BCKDHB: variants seen among roughly 807,000 people sequenced by gnomAD.
BCKDHB encodes the protein 2-oxoisovalerate dehydrogenase subunit beta, mitochondrial.
A neutral mutation model predicts 48.5 loss-of-function variants in BCKDHB; 41 were observed. The observed-to-expected ratio is 0.85, with a 90% CI of 0.66 to 1.10. The LOEUF is 1.10. Ranked by LOEUF, BCKDHB falls within the 50% of genes least tolerant of loss-of-function variation. The pLI, the probability that BCKDHB is intolerant of heterozygous loss-of-function variation, is 0.00. For missense variants in BCKDHB, 496 were observed against 494.2 expected, an observed-to-expected ratio of 1.00 and a Z score of -0.03; for synonymous variants, 201 against 174.8, an observed-to-expected ratio of 1.15 and a Z score of -1.18.
chr6:80,205,355 C>G (rs1455978801), intron 8 of BCKDHB, among the ~76,000 whole-genome samples: 1 of 151,944 alleles, frequency 6.6e-6, no homozygotes, highest in Non-Finnish European at 1.5e-5. Context: ...TCTTATGACT[C>G]ATTAGATCGC....
At chr6:80,140,095 GCT>G (rs1490521976) in intron 3 of BCKDHB, among the ~76,000 whole-genome samples, 2 of 152,044 alleles carry the variant, frequency 1.3e-5, no homozygotes, top group African/African-American at 2.4e-5. Flanking sequence ...TCATGATTTG[GCT>G]CTCTGTTTGT....
chr6:80,342,051 A>G (rs187830188), intron 9 of BCKDHB, among the ~76,000 whole-genome samples: 11 of 152,202 alleles, frequency 7.2e-5, no homozygotes, highest in Non-Finnish European at 1.2e-4. Context: ...ATTGTAAATC[A>G]TGATAGTTAT....
intron 6 of BCKDHB, among the ~76,000 whole-genome samples, chr6:80,187,868 C>T (rs1269126929): frequency 6.6e-6 from 1 of 152,178 alleles, no homozygotes; most frequent in African/African-American, 2.4e-5. Context: ...AACATTTATA[C>T]ACTGCTGGTG....
At chr6:80,410,343 T>A in the BCKDHB span, among the ~76,000 whole-genome samples, 5,252 of 152,274 alleles carry the variant, frequency 0.034, 317 homozygotes, top group African/African-American at 0.12. Context: ...CTTCCCTTTG[T>A]GGGTAACCCG....
the BCKDHB span, chr6:80,443,585 GCAAAA>G: frequency 1.3e-5 from 2 of 152,088 alleles, no homozygotes; most frequent in Admixed American, 1.3e-4. Flanking sequence ...TTTTGGTAAG[GCAAAA>G]CAAACTCTTA....
intron 1 of BCKDHB, among the ~76,000 whole-genome samples, chr6:80,120,658 T>G (rs1041071132): frequency 5.3e-5 from 8 of 152,248 alleles, no homozygotes; most frequent in African/African-American, 1.9e-4. Context: ...CATAGATGTC[T>G]TGTTTTGAGC....
At chr6:80,157,099 T>C (rs1772079860) in intron 3 of BCKDHB, among the ~76,000 whole-genome samples, 1 of 152,208 alleles carries the variant, frequency 6.6e-6, no homozygotes, top group Admixed American at 6.6e-5. Context: ...TCTATGATAC[T>C]GAACATTATT....
At chr6:80,419,249 G>A in the BCKDHB span, among the ~76,000 whole-genome samples, 1 of 152,186 alleles carries the variant, frequency 6.6e-6, no homozygotes, top group Non-Finnish European at 1.5e-5. Context: ...TATGAAGAAA[G>A]AATGTGTGGG....
At chr6:80,283,851 T>G (rs77385560) in intron 9 of BCKDHB, among the ~76,000 whole-genome samples, 1 of 152,264 alleles carries the variant, frequency 6.6e-6, no homozygotes, top group Non-Finnish European at 1.5e-5. Flanking sequence ...TATTTAAAAT[T>G]TTATACATGA....
At chr6:80,401,724 A>T in the BCKDHB span, among the ~76,000 whole-genome samples, 1 of 151,764 alleles carries the variant, frequency 6.6e-6, no homozygotes, top group African/African-American at 2.4e-5. Flanking sequence ...TTTAACTGTC[A>T]TCTCCCAATT....
chr6:80,415,529 CAT>C, the BCKDHB span, among the ~76,000 whole-genome samples: 2 of 152,126 alleles, frequency 1.3e-5, no homozygotes, highest in Non-Finnish European at 2.9e-5. Flanking sequence ...TTGAAATAAT[CAT>C]GTGGTTTTTG....
the BCKDHB span, among the ~76,000 whole-genome samples, chr6:80,427,634 C>A: frequency 4.6e-5 from 7 of 152,062 alleles, no homozygotes; most frequent in African/African-American, 1.7e-4. Context: ...TTGTGCCTGA[C>A]TGATGACAAT....
chr6:80,208,547 G>T (rs992024621), intron 8 of BCKDHB, among the ~76,000 whole-genome samples: 1 of 151,736 alleles, frequency 6.6e-6, no homozygotes, highest in Non-Finnish European at 1.5e-5. Flanking sequence ...TAATGTAATT[G>T]ATAAACTTTT....
chr6:80,167,710 G>T lies in BCKDHB; in HGVS notation c.376G>T (p.Glu126Ter). ...KDRVFNTPLC[E>*]QGIVGFGIGI... ...TAGAGTTTTTAATACCCCATTGTGTGAACAAGGAATTGTTGGATTTGGAAT... is the reference window on the plus strand; with the variant it reads ...TAGAGTTTTTAATACCCCATTGTGTTAACAAGGAATTGTTGGATTTGGAAT... Residue 126 changes from glutamate (E) to a stop codon, truncating the protein, a stop_gained, in exon 4 of 10, where the codon GAA (glutamate) becomes TAA (stop). Transcript: ENST00000320393. LOFTEE classifies it high-confidence loss of function. 6.2e-7 allele frequency: 1 copy of T among 1,611,714 alleles called. No individual in the cohort carries two copies. Among genetic ancestry groups the T allele is most frequent in the South Asian group, 1.1e-5 (1 of 91,002 alleles).
intron 8 of BCKDHB, among the ~76,000 whole-genome samples, chr6:80,255,107 A>G (rs902620268): frequency 6.6e-6 from 1 of 152,186 alleles, no homozygotes; most frequent in Non-Finnish European, 1.5e-5. Context: ...TGCTTTTTCT[A>G]TATACTTTAG....
At chr6:80,216,000 A>G (rs1374433931) in intron 8 of BCKDHB, among the ~76,000 whole-genome samples, 1 of 152,180 alleles carries the variant, frequency 6.6e-6, no homozygotes, top group African/African-American at 2.4e-5. Flanking sequence ...TCGGCCTCCC[A>G]AAGTGCTGGG....
chr6:80,415,557 A>T, the BCKDHB span, among the ~76,000 whole-genome samples: 1 of 152,300 alleles, frequency 6.6e-6, no homozygotes, highest in East Asian at 1.9e-4. Flanking sequence ...AGTTCTATTC[A>T]TGTGATGAAT....
the BCKDHB span, among the ~76,000 whole-genome samples, chr6:80,455,767 T>C: frequency 6.6e-6 from 1 of 152,000 alleles, no homozygotes; most frequent in Non-Finnish European, 1.5e-5. Flanking sequence ...CATTTAGCTA[T>C]CTCTTATCAC....
intron 9 of BCKDHB, among the ~76,000 whole-genome samples, chr6:80,336,850 T>C (rs1769618576): frequency 1.3e-5 from 2 of 152,008 alleles, no homozygotes; most frequent in Non-Finnish European, 2.9e-5. Context: ...ACTTCTAACA[T>C]TTGGGGGAGC....
Sources: gnomAD v4.1 joint callset for allele counts (sites outside exome capture counted in the v4.1 genomes callset) on GRCh38, gnomAD v4.1.1 for gene constraint, MANE v1.5 for transcripts, NCBI Gene and HGNC (gene_info 2026-07-23, HGNC 2026-07-21) for gene names.